NRK: variants seen among roughly 807,000 people sequenced by gnomAD.
The protein encoded by NRK is nik-related protein kinase.
A neutral mutation model predicts 125.2 loss-of-function variants in NRK; 67 were observed. The ratio of observed to expected loss-of-function variants is 0.54; its 90% CI spans 0.44 to 0.66. The LOEUF is 0.66. Among genes scored for constraint, NRK ranks in the 30% least tolerant of loss-of-function variants. The pLI, the probability that NRK is intolerant of heterozygous loss-of-function variation, is 0.00. For synonymous variants in NRK, 458 were observed against 429.0 expected (o/e 1.07, Z -0.84); for missense variants, 1,224 against 1,192.9 (o/e 1.03, Z -0.38).
At chrX:105,840,963 C>T (rs2039325520) in intron 2 of NRK, among the ~76,000 whole-genome samples, 2 of 110,148 alleles carry the variant, frequency 1.8e-5, no homozygotes, top group Non-Finnish European at 3.8e-5. Flanking sequence ...TTTAGTTTAT[C>T]GTCTAGTAGT....
At chrX:105,954,711 G>C (rs753421547) in intron 28 of NRK, among the ~76,000 whole-genome samples, 1 of 110,610 alleles carries the variant, frequency 9.0e-6, no homozygotes, top group Admixed American at 9.7e-5. Context: ...AAAAGCCTTA[G>C]TCCTAACAAG....
intron 28 of NRK, among the ~76,000 whole-genome samples, chrX:105,953,460 C>G (rs1207824610): frequency 9.0e-6 from 1 of 111,472 alleles, no homozygotes; most frequent in African/African-American, 3.3e-5. Context: ...GTTCGAAATC[C>G]TTTATTGTCT....
At chrX:105,852,767 T>G (rs2039488083) in intron 2 of NRK, among the ~76,000 whole-genome samples, 1 of 111,598 alleles carries the variant, frequency 9.0e-6, no homozygotes, top group South Asian at 3.8e-4. Context: ...ACCACTTTCT[T>G]AAAAGAAGCT....
chrX:105,911,000 G>A (rs1030927352), intron 13 of NRK, among the ~76,000 whole-genome samples: 1 of 111,607 alleles, frequency 9.0e-6, no homozygotes, highest in African/African-American at 3.3e-5. Context: ...AGGAAAATAG[G>A]CAACAAACAT....
chrX:105,934,166 C>A, intron 19 of NRK, 92 bp from the exon 20 acceptor site: 2 of 489,794 alleles, frequency 4.1e-6, no homozygotes. Flanking sequence ...ATAGATCTTG[C>A]ATTGTGTTTT....
chrX:105,835,320 A>G (rs1009863832), intron 2 of NRK, among the ~76,000 whole-genome samples: 3 of 111,038 alleles, frequency 2.7e-5, no homozygotes, highest in African/African-American at 9.8e-5. Context: ...TTTTCTTAAT[A>G]TCCCTGTTCT....
At chrX:105,856,029 C>A (rs2039527824) in intron 2 of NRK, among the ~76,000 whole-genome samples, 2 of 111,206 alleles carry the variant, frequency 1.8e-5, no homozygotes, top group African/African-American at 6.5e-5. Context: ...TGTAATCGTT[C>A]CTTCTTTGAT....
chrX:105,827,950 T>C (rs911817140), intron 1 of NRK, among the ~76,000 whole-genome samples: 1 of 111,582 alleles, frequency 9.0e-6, no homozygotes. Context: ...CAAATAATTA[T>C]GGAAACCCCT....
At chrX:105,832,989 A>G (rs1427346056) in intron 2 of NRK, among the ~76,000 whole-genome samples, 2 of 111,209 alleles carry the variant, frequency 1.8e-5, no homozygotes, top group Non-Finnish European at 3.8e-5. Context: ...TGTTTACACC[A>G]CTGCCCTCCA....
intron 19 of NRK, among the ~76,000 whole-genome samples, chrX:105,928,739 T>C (rs551961257): frequency 8.9e-6 from 1 of 111,848 alleles, no homozygotes; most frequent in Middle Eastern, 4.6e-3. Flanking sequence ...ATTTATTGGC[T>C]AATTGATGTT....
rs1171686279 is a variant in NRK at position 105,943,820 on chromosome X, C to T, written c.3959-121C>T. The T allele has an allele frequency of 2.6e-5, 11 of 418,437 alleles. No individual in the cohort carries two copies. The South Asian group carries it at 5.0e-4, about 19-fold the overall frequency. 34.5% of individuals were successfully genotyped at this position (418,437 alleles called of 1,213,427 possible). A position where few individuals can be genotyped will look rare whatever the true frequency, so the allele number is the denominator to read the frequency against. On this transcript the variant is annotated intron_variant, in intron 23 of 28. Transcript: ENST00000243300. Reference sequence around the variant, plus strand: ...CATCAAATTGTAACCAAGTAGCTTCCCCAAAAATATACTGTCTGTGCTCTT... The same window carrying T: ...CATCAAATTGTAACCAAGTAGCTTCTCCAAAAATATACTGTCTGTGCTCTT...
chrX:105,835,937 C>G (rs1274111157), intron 2 of NRK, among the ~76,000 whole-genome samples: 1 of 111,785 alleles, frequency 8.9e-6, no homozygotes, highest in East Asian at 2.8e-4. Context: ...CAAAATATCT[C>G]ATGCACCTCA....
chrX:105,934,491 A>C (rs758290284), intron 20 of NRK, 47 bp downstream of exon 20: 1 of 810,817 alleles, frequency 1.2e-6, no homozygotes. Flanking sequence ...CTGTTCACTT[A>C]TTAAATAGTG....
chrX:105,887,795 G>A (rs938228837), intron 4 of NRK, among the ~76,000 whole-genome samples: 1 of 111,916 alleles, frequency 8.9e-6, no homozygotes, highest in Non-Finnish European at 1.9e-5. Context: ...GAGTTGGGGT[G>A]TGTGTGTGGC....
At chrX:105,911,299 A>G (rs2040297929) in intron 13 of NRK, among the ~76,000 whole-genome samples, 1 of 111,964 alleles carries the variant, frequency 8.9e-6, no homozygotes, top group Non-Finnish European at 1.9e-5. Context: ...TAAACTGATA[A>G]TGAAGAATTA....
At chrX:105,882,722 A>T (rs965047919) in intron 4 of NRK, among the ~76,000 whole-genome samples, 1 of 110,830 alleles carries the variant, frequency 9.0e-6, no homozygotes, top group Non-Finnish European at 1.9e-5. Flanking sequence ...CAACCTCATG[A>T]CTCATCTATT....
intron 27 of NRK, among the ~76,000 whole-genome samples, chrX:105,950,823 CAGAGAGAG>C (rs746466025): frequency 9.9e-6 from 1 of 100,733 alleles, no homozygotes; most frequent in Non-Finnish European, 2.0e-5. Context: ...AACATAGAGA[CAGAGAGAG>C]AGAGAGAGAG....
Position 105,822,933 on chromosome X carries a change from A to G in NRK, c.57+31A>G, listed in dbSNP as rs1268390497. 4.4e-6 allele frequency: 5 copies of G among 1,125,049 alleles called. No homozygotes were observed. The South Asian group carries it at 1.0e-4, about 23-fold the overall frequency. The allele number at this position is 1,125,049 out of a possible 1,213,427, so 92.7% of individuals were successfully genotyped here. A position where few individuals can be genotyped will look rare whatever the true frequency, so the allele number is the denominator to read the frequency against. On this transcript the variant is annotated intron_variant, in intron 1 of 28. Coordinates refer to ENST00000243300, the MANE Select transcript of NRK (RefSeq NM_198465.4). ...TAGAGGACGCCCGTCGCCCCCCGAAATGCTCTCTTTTGGCGGGTTCTGCGT... is the reference window on the plus strand; with the variant it reads ...TAGAGGACGCCCGTCGCCCCCCGAAGTGCTCTCTTTTGGCGGGTTCTGCGT...
chrX:105,822,255 C>A (rs941262122), upstream of NRK, among the ~76,000 whole-genome samples: 2 of 108,680 alleles, frequency 1.8e-5, no homozygotes, highest in Non-Finnish European at 3.8e-5. Flanking sequence ...GAAAAAGTTT[C>A]CTGTGGAACA....
Sources: gnomAD v4.1 joint callset for allele counts (sites outside exome capture counted in the v4.1 genomes callset) on GRCh38, gnomAD v4.1.1 for gene constraint, MANE v1.5 for transcripts, NCBI Gene and HGNC (gene_info 2026-07-23, HGNC 2026-07-21) for gene names.